The following DNAH5 variants were observed in gnomAD, a reference collection of about 807,000 sequenced individuals.
DNAH5 encodes the protein dynein axonemal heavy chain 5, also known as axonemal beta dynein heavy chain 5.
In DNAH5, 372 loss-of-function variants were observed where a neutral mutation model predicts 518.2. The ratio of observed to expected loss-of-function variants is 0.72; its 90% confidence interval spans 0.66 to 0.78. The LOEUF is 0.78. Among genes scored for constraint, DNAH5 ranks in the 30% least tolerant of loss-of-function variants. DNAH5 has a pLI of 0.00. For synonymous variants in DNAH5, 2,039 were observed against 2,025.9 expected (o/e 1.01, Z -0.17); for missense variants, 5,523 against 5,687.0 (o/e 0.97, Z 0.93).
chr5:13,811,051 T>C (rs1223767460), intron 44 of DNAH5, among the ~76,000 whole-genome samples: 1 of 151,784 alleles, frequency 6.6e-6, no homozygotes, highest in African/African-American at 2.4e-5. Flanking sequence ...GTCATGGAGA[T>C]AGAGTAGAAG....
chr5:13,847,642 TG>T (rs1474003651), intron 31 of DNAH5, among the ~76,000 whole-genome samples: 1 of 151,178 alleles, frequency 6.6e-6, no homozygotes, highest in African/African-American at 2.4e-5. Flanking sequence ...GAGAATCACT[TG>T]AACCTGGGAG....
intron 41 of DNAH5, among the ~76,000 whole-genome samples, chr5:13,820,129 C>T (rs768701815): frequency 3.3e-5 from 5 of 152,090 alleles, no homozygotes; most frequent in Admixed American, 3.3e-4. Context: ...GTAAAACATA[C>T]AGTGCAGTGC....
chr5:13,932,331 T>A (rs1433050996), intron 1 of DNAH5: 1 of 152,194 alleles, frequency 6.6e-6, no homozygotes, highest in Admixed American at 6.5e-5. Context: ...GGTCTCCCAC[T>A]CTAGCCTGGA....
In DNAH5 at chr5:13,931,240, C is replaced by CT; in HGVS notation, c.61dup (p.Arg21LysfsTer18). 1.9e-6 allele frequency: 3 copies of CT among 1,614,042 alleles called. No individual in the cohort carries two copies. The highest frequency in any genetic ancestry group is 2.5e-6 in the Non-Finnish European group (3 of 1,179,928). ...CTTGGCTTCCTTCTCTCCCTTCAGT[C>CT]TTTGCTAAAAGAAAAGAATAAAAAT... is the stretch of plus-strand genomic sequence containing the variant. On this transcript the variant is annotated frameshift_variant, in exon 2 of 79. Coordinates refer to ENST00000265104, the MANE Select transcript of DNAH5 (RefSeq NM_001369.3). LOFTEE classifies it high-confidence loss of function.
At chr5:13,989,372 T>C (rs2152073381) in intron 1 of DNAH5, among the ~76,000 whole-genome samples, 1 of 151,722 alleles carries the variant, frequency 6.6e-6, no homozygotes, top group East Asian at 1.9e-4. Context: ...ACATTTATGA[T>C]ATGTTGTAAA....
rs562549069 is a variant in DNAH5, at chr5:14,008,208, A to G, written c.12+3440T>C. Among the ~76,000 whole-genome samples the G allele has an allele frequency of 5.6e-5, 8 of 143,054 alleles. No homozygotes were observed. In the South Asian group the frequency reaches 1.8e-3, roughly 33 times the overall value. The allele number at this position is 143,054 out of a possible 152,430, so 93.8% of individuals were successfully genotyped here. A position where few individuals can be genotyped will look rare whatever the true frequency, so the allele number is the denominator to read the frequency against. On this transcript the variant is annotated intron_variant, in intron 1 of 78. Transcript: ENST00000681290. ...AAAAGAAAGAAAGAAAGAAAAAAGA[A>G]AAGAAAAGAAAGCATGCAGTATGTA...
At chr5:13,774,749 A>G (rs1753837148) in intron 55 of DNAH5, among the ~76,000 whole-genome samples, 1 of 152,214 alleles carries the variant, frequency 6.6e-6, no homozygotes, top group South Asian at 2.1e-4. Context: ...TGGTGTGATA[A>G]GATTTAAAAG....
chr5:13,694,895 C>T (rs1005014688), intron 78 of DNAH5, among the ~76,000 whole-genome samples: 2 of 152,124 alleles, frequency 1.3e-5, no homozygotes, highest in South Asian at 2.1e-4. Context: ...TTCCTATGTA[C>T]ATAACAGTGT....
At chr5:13,782,566 A>G (rs567152246) in intron 52 of DNAH5, among the ~76,000 whole-genome samples, 108 of 152,262 alleles carry the variant, frequency 7.1e-4, no homozygotes, top group African/African-American at 2.5e-3. Context: ...GACGGTGGGT[A>G]AGAAGCTACT....
chr5:13,761,957 T>C (rs769848429), intron 60 of DNAH5, among the ~76,000 whole-genome samples: 24 of 152,198 alleles, frequency 1.6e-4, no homozygotes, highest in Non-Finnish European at 2.9e-4. Context: ...GTTAAGTTTC[T>C]TGGGTAGTTA....
chr5:13,766,523 A>C (rs1752536573), intron 58 of DNAH5, among the ~76,000 whole-genome samples: 1 of 152,214 alleles, frequency 6.6e-6, no homozygotes, highest in Non-Finnish European at 1.5e-5. Flanking sequence ...GAGGTTCAAA[A>C]CCAGGAAAAT....
At position 13,882,829 on chromosome 5, in the gene DNAH5, G is replaced by A. The variant is rs199714116; in HGVS notation, c.3175-14C>T. On this transcript the variant is annotated splice_polypyrimidine_tract_variant and intron_variant, in intron 20 of 78. Transcript: ENST00000265104. ...TTGTATCTTTTTCTACAATGTAAAA[G>A]GATATTTTTCAGTTCTGTCCTATCT... 6.2e-6 allele frequency: 10 copies of A among 1,613,476 alleles called. No homozygotes were observed. The highest frequency in any genetic ancestry group is 8.5e-6 in the Non-Finnish European group (10 of 1,179,562).
intron 1 of DNAH5, chr5:13,932,225 T>A (rs1264331947): frequency 6.6e-6 from 1 of 152,194 alleles, no homozygotes; most frequent in Non-Finnish European, 1.5e-5. Flanking sequence ...AATTTAAATA[T>A]GACAGATGGC....
chr5:13,771,310 A>C, intron 55 of DNAH5: 1 of 333,158 alleles, frequency 3.0e-6, no homozygotes. Context: ...CAAATGGTAC[A>C]AATAACTCAG....
In DNAH5 at chr5:13,770,810, T is replaced by C; in HGVS notation, c.9544A>G (p.Ile3182Val). The C allele has an allele frequency of 1.9e-6, 3 of 1,614,054 alleles. No homozygotes were observed. The highest frequency in any genetic ancestry group is 2.5e-6 in the Non-Finnish European group (3 of 1,179,964). The change falls in exon 56 of 79, where the codon ATT (isoleucine) becomes GTT (valine). Residue 3182 changes from isoleucine to valine, a missense_variant. Ile to Val is a conservative substitution (Grantham distance 29). Around this residue, in one of 3 missense-constraint regions of DNAH5, gnomAD observed 5,121 missense variants for 5,223.3 expected, o/e 0.98. Transcript: ENST00000265104. Reference protein sequence around the residue: ...HVTPKSYLSFIQGYKFIYGEK... With the variant: ...HVTPKSYLSFVQGYKFIYGEK... ...CCATATATGAACTTATAGCCCTGAA[T>C]AAAGGAGAGGTATGATTTGGGCGTC... is the stretch of plus-strand genomic sequence containing the variant.
chr5:13,872,293 T>C (rs533990785), intron 22 of DNAH5, among the ~76,000 whole-genome samples: 3 of 152,170 alleles, frequency 2.0e-5, no homozygotes, highest in African/African-American at 7.2e-5. Flanking sequence ...AAACAGAAAA[T>C]AGCGAGCATC....
At chr5:14,001,737 T>A (rs768704685) in intron 1 of DNAH5, among the ~76,000 whole-genome samples, 1 of 151,694 alleles carries the variant, frequency 6.6e-6, no homozygotes, top group Non-Finnish European at 1.5e-5. Context: ...TTGGTAAAAT[T>A]TGAAGCAAAA....
chr5:13,787,080 C>T (rs1006609719), intron 51 of DNAH5, among the ~76,000 whole-genome samples: 5 of 151,886 alleles, frequency 3.3e-5, no homozygotes, highest in Admixed American at 2.0e-4. Context: ...ATTAGCTAGG[C>T]CTGGTGGTGT....
At chr5:13,915,160 T>C (rs1776507037) in intron 9 of DNAH5, among the ~76,000 whole-genome samples, 2 of 152,132 alleles carry the variant, frequency 1.3e-5, no homozygotes, top group East Asian at 3.8e-4. Context: ...CAGAAATGTA[T>C]TAATTTTTTG....
Sources: gnomAD v4.1 joint callset for allele counts (sites outside exome capture counted in the v4.1 genomes callset) on GRCh38, gnomAD v4.1.1 for gene constraint, gnomAD v4.1.1 regional missense constraint, MANE v1.5 for transcripts, NCBI Gene and HGNC (gene_info 2026-07-23, HGNC 2026-07-21) for gene names.